MAPK8: variants seen among roughly 807,000 people sequenced by gnomAD.
The protein encoded by MAPK8 is mitogen-activated protein kinase 8.
A neutral mutation model predicts 52.9 loss-of-function variants in MAPK8; 13 were observed. The ratio of observed to expected loss-of-function variants is 0.25; its 90% CI spans 0.16 to 0.39. The LOEUF (loss-of-function observed/expected upper bound fraction) is 0.39. MAPK8 is among the 10% of genes least tolerant of loss of function. MAPK8 has a pLI of 1.00. For synonymous variants in MAPK8, 191 were observed against 169.8 expected (o/e 1.12, Z -0.97); for missense variants, 300 against 519.2 (o/e 0.58, Z 4.10).
chr10:48,338,628 G>A (rs1339410968), intron 1 of MAPK8, among the ~76,000 whole-genome samples: 2 of 152,226 alleles, frequency 1.3e-5, no homozygotes, highest in East Asian at 3.9e-4. Context: ...CAAAGAGGAA[G>A]TCAAATTATA....
At chr10:48,369,144 C>G (rs1788963554) in intron 1 of MAPK8, among the ~76,000 whole-genome samples, 1 of 152,098 alleles carries the variant, frequency 6.6e-6, no homozygotes, top group Admixed American at 6.6e-5. Flanking sequence ...TTCAGAAGAT[C>G]ATTTTGGCTG....
intron 10 of MAPK8, chr10:48,430,578 G>A (rs935311876): frequency 6.5e-6 from 1 of 152,784 alleles, no homozygotes; most frequent in African/African-American, 2.4e-5. Flanking sequence ...TTGCTGTCCA[G>A]AAGCCTGATA....
chr10:48,356,841 C>CAAAAAAAAAAAAAAAAA (rs869186711), intron 1 of MAPK8, among the ~76,000 whole-genome samples: 7 of 30,278 alleles, frequency 2.3e-4, no homozygotes, highest in Non-Finnish European at 4.6e-4. Flanking sequence ...GACTCCGTCT[C>CAAAAAAAAAAAAAAAAA]AAAAAAAAAA....
chr10:48,331,991 G>C (rs997645264), intron 1 of MAPK8, among the ~76,000 whole-genome samples: 17 of 152,118 alleles, frequency 1.1e-4, no homozygotes, highest in African/African-American at 3.9e-4. Context: ...GGATGCCAAG[G>C]GGTATGATAA....
intron 1 of MAPK8, among the ~76,000 whole-genome samples, chr10:48,367,240 C>G (rs1404415464): frequency 6.6e-6 from 1 of 152,066 alleles, no homozygotes; most frequent in Non-Finnish European, 1.5e-5. Flanking sequence ...GTGGTACACG[C>G]CTGTAGTCCT....
chr10:48,358,513 C>G (rs1847200455), intron 1 of MAPK8, among the ~76,000 whole-genome samples: 1 of 152,082 alleles, frequency 6.6e-6, no homozygotes, highest in African/African-American at 2.4e-5. Context: ...GGATACAAGA[C>G]CTTTGTCAGA....
chr10:48,379,948 A>AAC (rs1554824557), intron 1 of MAPK8, among the ~76,000 whole-genome samples: 6 of 151,380 alleles, frequency 4.0e-5, no homozygotes, highest in Non-Finnish European at 8.9e-5. Flanking sequence ...TAAAAAAAAA[A>AAC]AAAAAAAAAA....
intron 1 of MAPK8, among the ~76,000 whole-genome samples, chr10:48,355,378 G>A (rs1308300192): frequency 6.6e-6 from 1 of 151,624 alleles, no homozygotes; most frequent in Non-Finnish European, 1.5e-5. Flanking sequence ...GTGTAGTGGC[G>A]GGTGCCTGTA....
chr10:48,426,609 A>G (rs1478098333), intron 9 of MAPK8, 105 bp downstream of exon 9: 3 of 1,008,588 alleles, frequency 3.0e-6, no homozygotes, highest in African/African-American at 3.4e-5. Context: ...ATGTAGATAC[A>G]TGATGATGAT....
At chr10:48,367,496 G>A (rs570203769) in intron 1 of MAPK8, among the ~76,000 whole-genome samples, 24 of 151,812 alleles carry the variant, frequency 1.6e-4, no homozygotes, top group Admixed American at 2.6e-4. Flanking sequence ...GGTAATGAAA[G>A]CATTCTAAAA....
intron 7 of MAPK8, chr10:48,424,497 T>C: frequency 1.3e-6 from 2 of 1,532,814 alleles, no homozygotes; most frequent in Admixed American, 2.1e-5. Flanking sequence ...GTTAATGTCA[T>C]TGCATTTTGT....
At chr10:48,377,595 A>G (rs865843682) in intron 1 of MAPK8, among the ~76,000 whole-genome samples, 25 of 151,726 alleles carry the variant, frequency 1.6e-4, no homozygotes, top group Middle Eastern at 3.4e-3. Flanking sequence ...TCTTCTTTCC[A>G]CCCCTCCCCT....
intron 1 of MAPK8, among the ~76,000 whole-genome samples, chr10:48,341,919 A>T (rs1845313574): frequency 6.6e-6 from 1 of 152,228 alleles, no homozygotes. Flanking sequence ...ACAGCAATCT[A>T]GGCTGAGGGA....
chr10:48,347,184 C>T (rs369101311), intron 1 of MAPK8, among the ~76,000 whole-genome samples: 2 of 152,102 alleles, frequency 1.3e-5, no homozygotes, highest in Non-Finnish European at 2.9e-5. Context: ...TTCCACCCCC[C>T]ACTAGGCATT....
chr10:48,314,689 C>T (rs576551707), intron 1 of MAPK8, among the ~76,000 whole-genome samples: 1 of 152,102 alleles, frequency 6.6e-6, no homozygotes, highest in Non-Finnish European at 1.5e-5. Context: ...TACCCTTAGA[C>T]GTCTTTCATC....
intron 3 of MAPK8, among the ~76,000 whole-genome samples, chr10:48,408,972 A>G (rs953203488): frequency 2.6e-5 from 4 of 152,174 alleles, no homozygotes; most frequent in Non-Finnish European, 4.4e-5. Context: ...TAGGCCACTA[A>G]TTCCATTATG....
intron 1 of MAPK8, among the ~76,000 whole-genome samples, chr10:48,386,656 T>C (rs2041330085): frequency 6.6e-6 from 1 of 152,198 alleles, no homozygotes; most frequent in Admixed American, 6.5e-5. Context: ...CTTATATTTG[T>C]TATTGTTTAA....
At chr10:48,393,873 A>G (rs2041753909) in intron 1 of MAPK8, among the ~76,000 whole-genome samples, 1 of 152,004 alleles carries the variant, frequency 6.6e-6, no homozygotes, top group African/African-American at 2.4e-5. Context: ...CATTAGAGAA[A>G]AGTAAGAGAA....
chr10:48,424,167 T>C lies in MAPK8; in HGVS notation c.688+8T>C. On this transcript the variant is annotated splice_region_variant and intron_variant, in intron 7 of 11. Coordinates refer to ENST00000374189, the MANE Select transcript of MAPK8 (RefSeq NM_001323329.2). ...TCTTTCCAGGAAGGGACTGTATCCT[T>C]GTGCTGCTGCAGCAGTTAATTAGTT... is the stretch of plus-strand genomic sequence containing the variant. 1 of 1,610,876 alleles carries C rather than the reference T, an allele frequency of 6.2e-7. No individual in the cohort carries two copies. Among genetic ancestry groups the C allele is most frequent in the South Asian group, 1.1e-5 (1 of 90,856 alleles).
Sources: allele counts gnomAD v4.1 joint callset (sites outside exome capture counted in the v4.1 genomes callset), GRCh38; gene constraint gnomAD v4.1.1; transcripts MANE v1.5; gene names NCBI Gene and HGNC (gene_info 2026-07-23, HGNC 2026-07-21).